RYR3: variants seen among roughly 807,000 people sequenced by gnomAD.
RYR3 encodes the protein ryanodine receptor 3.
RYR3 carries 207 observed loss-of-function variants against 584.3 expected under a neutral mutation model. The observed-to-expected ratio is 0.35, with a 90% CI of 0.32 to 0.40. The LOEUF is 0.40. Among genes scored for constraint, RYR3 ranks in the 10% least tolerant of loss-of-function variants. RYR3 has a pLI of 1.00. For synonymous variants in RYR3, 2,416 were observed against 2,248.5 expected, an observed-to-expected ratio of 1.07 and a Z score of -2.11; for missense variants, 5,616 against 6,089.2, an observed-to-expected ratio of 0.92 and a Z score of 2.59.
chr15:33,807,288 T>TA (rs2076261479), intron 69 of RYR3, among the ~76,000 whole-genome samples: 1 of 152,188 alleles, frequency 6.6e-6, no homozygotes, highest in Non-Finnish European at 1.5e-5. Flanking sequence ...GGGTCGGGTC[T>TA]GAGTGCCACA....
chr15:33,456,036 T>C (rs1046203690), intron 1 of RYR3, among the ~76,000 whole-genome samples: 3 of 152,208 alleles, frequency 2.0e-5, no homozygotes, highest in Admixed American at 2.0e-4. Context: ...AGTTCTGTAT[T>C]CTGTGTGTGA....
rs548886319 is a variant in RYR3, at chr15:33,838,403, A to G, written c.12423A>G (p.Ala4141=). The change falls in exon 89 of 104, where the codon GCA becomes GCG. Residue 4141 remains alanine (A), a synonymous_variant. Transcript: ENST00000634891. The part of the protein sequence containing the change: ...EEDGSLEPAS[A]FAMACASVKR... ...ACGGGTCTCTTGAGCCGGCCTCTGC[A>G]TTTGCTATGGCCTGTGCCTCTGTGA... The G allele has an allele frequency of 5.6e-6, 9 of 1,613,986 alleles. No individual in the cohort carries two copies. The highest frequency in any genetic ancestry group is 1.1e-5 in the South Asian group (1 of 91,080).
chr15:33,857,723 C>T, intron 98 of RYR3, 57 bp from the exon 99 acceptor site: 34 of 1,603,130 alleles, frequency 2.1e-5, no homozygotes, highest in Non-Finnish European at 2.7e-5. Flanking sequence ...CTCCTGTGAA[C>T]CTTTCAAGGT....
At chr15:33,631,093 C>T (rs535972612) in intron 22 of RYR3, 117 bp from the exon 23 acceptor site, 49 of 622,642 alleles carry the variant, frequency 7.9e-5, no homozygotes, top group Admixed American at 2.5e-4. Flanking sequence ...AAAAAGTCTA[C>T]TGACCCCTGG....
At position 33,706,980 on chromosome 15, in the gene RYR3, A is replaced by G; in HGVS notation, c.6545A>G (p.Tyr2182Cys). The change falls in exon 43 of 104, where the codon TAC (tyrosine) becomes TGC (cysteine). Residue 2182 changes from tyrosine to cysteine, a missense_variant. Coordinates refer to ENST00000634891, the MANE Select transcript of RYR3 (RefSeq NM_001036.6). ...TGCCCCATGCTTCTGGCCAAAGGAT[A>G]CCCTGATGTCGGCTGGAACCCCATT... ...QSCPMLLAKG[Y>C]PDVGWNPIEG... 1 of 1,613,616 alleles carries G rather than the reference A, an allele frequency of 6.2e-7. No individual in the cohort carries two copies. Among genetic ancestry groups the G allele is most frequent in the South Asian group, 1.1e-5 (1 of 90,838 alleles).
At position 33,584,450 on chromosome 15, in the gene RYR3, T is replaced by C; in HGVS notation, c.1629T>C (p.Asp543=). Residue 543 remains aspartate (D), a synonymous_variant, in exon 15 of 104, where the codon GAT becomes GAC. Transcript: ENST00000634891. ...GCGCTCAATTCTCCAATAACCTTGATTGGCTCATCAGTAAATTGGACAGAC... is the reference window on the plus strand; with the variant it reads ...GCGCTCAATTCTCCAATAACCTTGACTGGCTCATCAGTAAATTGGACAGAC... The part of the protein sequence containing the change: ...NNCAQFSNNL[D]WLISKLDRLE... 2 of 1,605,980 alleles carry C rather than the reference T, an allele frequency of 1.2e-6. No homozygotes were observed. The highest frequency in any genetic ancestry group is 1.7e-6 in the Non-Finnish European group (2 of 1,173,578).
At chr15:33,728,694 A>G (rs1310386096) in intron 46 of RYR3, among the ~76,000 whole-genome samples, 163 bp from the exon 47 acceptor site, 1 of 152,238 alleles carries the variant, frequency 6.6e-6, no homozygotes, top group African/African-American at 2.4e-5. Flanking sequence ...ATCTTGGTGC[A>G]TTTCAGGTTT....
chr15:33,400,941 G>A (rs1425489818), intron 1 of RYR3, among the ~76,000 whole-genome samples: 1 of 152,150 alleles, frequency 6.6e-6, no homozygotes, highest in Non-Finnish European at 1.5e-5. Flanking sequence ...AGCATGGACG[G>A]GTAAATTTGC....
At chr15:33,786,534 CAATG>C (rs2074726803) in intron 66 of RYR3, among the ~76,000 whole-genome samples, 1 of 151,600 alleles carries the variant, frequency 6.6e-6, no homozygotes, top group Admixed American at 6.6e-5. Context: ...AGCCAGCTCT[CAATG>C]AATGCTATTA....
chr15:33,450,840 C>T (rs1293434597), intron 1 of RYR3, among the ~76,000 whole-genome samples: 1 of 152,134 alleles, frequency 6.6e-6, no homozygotes, highest in African/African-American at 2.4e-5. Context: ...GTCTCCTATT[C>T]CACTTACTCC....
chr15:33,863,294 C>T (rs751018663), intron 102 of RYR3, among the ~76,000 whole-genome samples: 1 of 152,220 alleles, frequency 6.6e-6, no homozygotes, highest in Non-Finnish European at 1.5e-5. Flanking sequence ...ATTAACCCTA[C>T]TGTCTTTCTC....
Position 33,818,601 on chromosome 15 carries a change from G to A in RYR3, c.10623G>A (p.Glu3541=), listed in dbSNP as rs774186711. The A allele has an allele frequency of 1.9e-6, 3 of 1,613,530 alleles. No homozygotes were observed. The highest frequency in any genetic ancestry group is 2.5e-6 in the Non-Finnish European group (3 of 1,179,540). Residue 3541 remains glutamate (E), a synonymous_variant, in exon 76 of 104, where the codon GAG becomes GAA. Coordinates refer to ENST00000634891, the MANE Select transcript of RYR3 (RefSeq NM_001036.6). The stretch of plus-strand genomic sequence containing the variant: ...AGAAATCTCCAAAGGTGGAAGAGGA[G>A]GAGGAGGAAGAGACAGAAAAACAAC... ...DLAKSPKVEE[E]EEEETEKQPD...
rs1439087867 is a variant in RYR3, at chr15:33,854,664, C to T, written c.13861-102C>T. 2.8e-6 allele frequency: 4 copies of T among 1,441,962 alleles called. No individual in the cohort carries two copies. The African/African-American group carries it at 4.3e-5, about 15-fold the overall frequency. The allele number at this position is 1,441,962 out of a possible 1,614,324, so 89.3% of individuals were successfully genotyped here. On this transcript the variant is annotated intron_variant, in intron 97 of 103. Coordinates refer to ENST00000634891, the MANE Select transcript of RYR3 (RefSeq NM_001036.6). ...GCTCACAGCACCTCAGCACCTAAAC[C>T]CCCTCTATCCTCAGTGTGTCTCCCA...
chr15:33,548,906 C>A (rs553245892), intron 9 of RYR3, among the ~76,000 whole-genome samples: 1 of 152,070 alleles, frequency 6.6e-6, no homozygotes, highest in Non-Finnish European at 1.5e-5. Context: ...TCCTTCTCTG[C>A]CTTTCCCTCT....
chr15:33,861,800 G>C (rs1888329799), intron 102 of RYR3, among the ~76,000 whole-genome samples: 3 of 151,962 alleles, frequency 2.0e-5, no homozygotes, highest in Non-Finnish European at 4.4e-5. Flanking sequence ...GGGCATGTCT[G>C]TTTTCATACT....
At chr15:33,537,369 AGTTT>A (rs777967824) in intron 5 of RYR3, among the ~76,000 whole-genome samples, 8 of 151,564 alleles carry the variant, frequency 5.3e-5, no homozygotes, top group East Asian at 1.9e-4. Flanking sequence ...CTGGTTTTTT[AGTTT>A]GTTTGTTTGT....
At chr15:33,748,602 GA>G (rs1280785343) in intron 55 of RYR3, 72 bp downstream of exon 55, 10 of 1,247,904 alleles carry the variant, frequency 8.0e-6, no homozygotes, top group Non-Finnish European at 1.0e-5. Context: ...GTTAAAGGGG[GA>G]AAAAAGGGAA....
At chr15:33,514,307 C>A (rs922814237) in intron 3 of RYR3, among the ~76,000 whole-genome samples, 1 of 152,144 alleles carries the variant, frequency 6.6e-6, no homozygotes, top group African/African-American at 2.4e-5. Context: ...GCTTGGTGCT[C>A]CAGACCCCGT....
At chr15:33,375,328 G>C (rs1424888606) in intron 1 of RYR3, among the ~76,000 whole-genome samples, 1 of 152,220 alleles carries the variant, frequency 6.6e-6, no homozygotes, top group Non-Finnish European at 1.5e-5. Flanking sequence ...GTGGTCTGCT[G>C]CCAGAGAGAT....
Sources: gnomAD v4.1 joint callset for allele counts (sites outside exome capture counted in the v4.1 genomes callset) on GRCh38, gnomAD v4.1.1 for gene constraint, MANE v1.5 for transcripts, NCBI Gene and HGNC (gene_info 2026-07-23, HGNC 2026-07-21) for gene names.